TNKS: variants seen among roughly 807,000 people sequenced by gnomAD.
TNKS encodes the protein poly [ADP-ribose] polymerase tankyrase-1.
TNKS carries 72 observed loss-of-function variants against 135.8 expected under a neutral mutation model. The observed-to-expected ratio is 0.53, with a 90% CI of 0.44 to 0.64. The LOEUF is 0.64. Among genes scored for constraint, TNKS ranks in the 30% least tolerant of loss-of-function variants. TNKS has a pLI of 0.00. For missense variants in TNKS, 1,769 were observed against 1,674.0 expected (o/e 1.06, Z -0.99); for synonymous variants, 849 against 649.3 (o/e 1.31, Z -4.68).
At chr8:9,757,502 G>A (rs1192084148) in intron 20 of TNKS, among the ~76,000 whole-genome samples, 1 of 152,066 alleles carries the variant, frequency 6.6e-6, no homozygotes, top group Non-Finnish European at 1.5e-5. Flanking sequence ...TCCTTCCCCT[G>A]ACTGATGAGC....
Position 9,780,716 on chromosome 8 carries a change from A to C in TNKS, c.*3980A>C, listed in dbSNP as rs897222272. On this transcript the variant is annotated 3_prime_UTR_variant, in exon 27 of 27. Transcript: ENST00000310430. ...ATAAAACATTGTAGTCCCATTTCTT[A>C]GTGTTTGAAAGGTGTGTCAGTGAGT... 5 of 152,152 alleles carry C rather than the reference A, an allele frequency of 3.3e-5. No homozygotes were observed. The highest frequency in any genetic ancestry group is 1.2e-4 in the African/African-American group (5 of 41,438). 9.4% of individuals were successfully genotyped at this position (152,152 alleles called of 1,614,324 possible).
intron 3 of TNKS, among the ~76,000 whole-genome samples, chr8:9,617,249 T>G (rs914382477): frequency 2.6e-5 from 4 of 152,232 alleles, no homozygotes; most frequent in African/African-American, 9.6e-5. Context: ...CAATCACTTG[T>G]GGAGACACAA....
At chr8:9,758,324 GT>G (rs572191561) in intron 20 of TNKS, among the ~76,000 whole-genome samples, 5 of 151,542 alleles carry the variant, frequency 3.3e-5, no homozygotes, top group African/African-American at 7.3e-5. Flanking sequence ...TTCCCTTTTT[GT>G]TTTTTTTAGA....
chr8:9,735,341 C>T (rs370890202), intron 16 of TNKS, 36 bp from the exon 17 acceptor site: 1,031 of 1,577,578 alleles, frequency 6.5e-4, no homozygotes, highest in Non-Finnish European at 8.6e-4. Flanking sequence ...TTCCTTTAAG[C>T]TGACACGTTT....
At chr8:9,570,083 G>A (rs1433508936) in intron 1 of TNKS, among the ~76,000 whole-genome samples, 7 of 152,042 alleles carry the variant, frequency 4.6e-5, no homozygotes, top group Admixed American at 3.9e-4. Context: ...TATATTAAGA[G>A]GTAAATATTT....
At chr8:9,679,631 G>C in intron 3 of TNKS, 3 of 267,676 alleles carry the variant, frequency 1.1e-5, no homozygotes, top group Middle Eastern at 1.3e-3. Context: ...AGAAAAGGGG[G>C]GAGGGGACAT....
In TNKS at chr8:9,778,520, T is replaced by C. The variant is rs1478984174; in HGVS notation, c.*1784T>C. On this transcript the variant is annotated 3_prime_UTR_variant, in exon 27 of 27. Transcript: ENST00000310430. Reference sequence around the variant, plus strand: ...ACTAGTTTGAATGTTTGTAGCTGAATTTTTATGGGTCCTCAAAATTAAATC... The same window carrying C: ...ACTAGTTTGAATGTTTGTAGCTGAACTTTTATGGGTCCTCAAAATTAAATC... 6.6e-6 allele frequency: 1 copy of C among 152,656 alleles called. No homozygotes were observed. Among genetic ancestry groups the C allele is most frequent in the Non-Finnish European group, 1.5e-5 (1 of 68,052 alleles). The allele number at this position is 152,656 out of a possible 1,614,324, so 9.5% of individuals were successfully genotyped here.
At position 9,555,912 on chromosome 8, in the gene TNKS, GCAGTGA is replaced by G; in HGVS notation, c.-22_-17del. On this transcript the variant is annotated 5_prime_UTR_variant, in exon 1 of 27. Transcript: ENST00000310430. ...AGGGCGGGCGGTGGGGGCCGTTGCC[GCAGTGA>G]CAGTGCTAGGGGAGTCCGAAGATGG... 2 of 1,574,506 alleles carry G rather than the reference GCAGTGA, an allele frequency of 1.3e-6. No homozygotes were observed. The highest frequency in any genetic ancestry group is 1.7e-6 in the Non-Finnish European group (2 of 1,164,092).
chr8:9,641,788 G>A lies in TNKS; in HGVS notation c.994+26111G>A, dbSNP rs552441170. Among the ~76,000 whole-genome samples the A allele has an allele frequency of 6.0e-4, 87 of 145,448 alleles. 12 individuals carry two copies. Among genetic ancestry groups the A allele is most frequent in the Non-Finnish European group, 9.9e-4 (66 of 66,442 alleles). Reference sequence around the variant, plus strand: ...ATGTGCGTTTTGTAAAAGAATTTCTGGAATTACTGTTAGTTTCATCATCTG... The same window carrying A: ...ATGTGCGTTTTGTAAAAGAATTTCTAGAATTACTGTTAGTTTCATCATCTG... On this transcript the variant is annotated intron_variant, in intron 3 of 26. Coordinates refer to ENST00000310430, the MANE Select transcript of TNKS (RefSeq NM_003747.3).
chr8:9,570,507 T>C (rs1341706933), intron 1 of TNKS, among the ~76,000 whole-genome samples: 3 of 152,146 alleles, frequency 2.0e-5, no homozygotes, highest in Non-Finnish European at 4.4e-5. Flanking sequence ...GGCATTAGGA[T>C]GGGTAGAATA....
chr8:9,677,844 G>A (rs1441208245), intron 3 of TNKS, among the ~76,000 whole-genome samples: 1 of 152,048 alleles, frequency 6.6e-6, no homozygotes, highest in African/African-American at 2.4e-5. Flanking sequence ...CAGATACACA[G>A]AGCTACTTAC....
chr8:9,584,743 C>G (rs928602839), intron 2 of TNKS, among the ~76,000 whole-genome samples: 4 of 152,212 alleles, frequency 2.6e-5, no homozygotes, highest in African/African-American at 9.6e-5. Flanking sequence ...TACATGTATA[C>G]CACACCTCCA....
rs953371596 is a variant in TNKS at position 9,555,970 on chromosome 8, C to A, written c.31C>A (p.His11Asn). 9 of 1,613,302 alleles carry A rather than the reference C, an allele frequency of 5.6e-6. No individual in the cohort carries two copies. In the African/African-American group the frequency reaches 1.2e-4, roughly 22 times the overall value. The part of the protein sequence containing the change: MAASRRSQHH[H>N]HHHQQQLQPA... ...GGCGTCGCGTCGCTCTCAGCATCATCACCACCATCATCAACAACAGCTCCA... is the reference window on the plus strand; with the variant it reads ...GGCGTCGCGTCGCTCTCAGCATCATAACCACCATCATCAACAACAGCTCCA... Residue 11 changes from histidine to asparagine, a missense_variant, in exon 1 of 27, where the codon CAC becomes AAC. Coordinates refer to ENST00000310430, the MANE Select transcript of TNKS (RefSeq NM_003747.3).
intron 3 of TNKS, among the ~76,000 whole-genome samples, chr8:9,665,011 A>G (rs1387993757): frequency 1.3e-5 from 2 of 152,244 alleles, no homozygotes; most frequent in Non-Finnish European, 2.9e-5. Context: ...TACATCGTAT[A>G]AGGATGTTTT....
chr8:9,697,510 A>G (rs1006012687), intron 5 of TNKS, among the ~76,000 whole-genome samples: 6 of 152,160 alleles, frequency 3.9e-5, no homozygotes, highest in East Asian at 1.9e-4. Flanking sequence ...TAAATAGACA[A>G]TCTACAGAAT....
chr8:9,751,551 A>C (rs771766605), intron 18 of TNKS, 58 bp from the exon 19 acceptor site: 26 of 1,499,898 alleles, frequency 1.7e-5, no homozygotes, highest in Non-Finnish European at 2.3e-5. Context: ...ATCAGTGAAA[A>C]ACTTACCATT....
intron 1 of TNKS, among the ~76,000 whole-genome samples, chr8:9,569,317 CA>C (rs1797672610): frequency 6.6e-6 from 1 of 152,180 alleles, no homozygotes; most frequent in Non-Finnish European, 1.5e-5. Flanking sequence ...TGAATTTTTA[CA>C]AAGTGAACAC....
At chr8:9,616,405 T>A (rs1799647641) in intron 3 of TNKS, among the ~76,000 whole-genome samples, 1 of 152,232 alleles carries the variant, frequency 6.6e-6, no homozygotes, top group Non-Finnish European at 1.5e-5. Flanking sequence ...TGAGTCCTGC[T>A]GCCTTTGCCC....
At chr8:9,633,656 A>G (rs78232923) in intron 3 of TNKS, among the ~76,000 whole-genome samples, 22 of 152,348 alleles carry the variant, frequency 1.4e-4, no homozygotes, top group African/African-American at 5.1e-4. Flanking sequence ...CATAAAAACT[A>G]TGGCTTTTAT....
Sources: allele counts gnomAD v4.1 joint callset (sites outside exome capture counted in the v4.1 genomes callset), GRCh38; gene constraint gnomAD v4.1.1; transcripts MANE v1.5; gene names NCBI Gene and HGNC (gene_info 2026-07-23, HGNC 2026-07-21).